Variants in ING5 observed in about 807,000 individuals in gnomAD.
The protein encoded by ING5 is inhibitor of growth family member 5.
Under a neutral mutation model 37.4 loss-of-function variants are expected in ING5, and 17 were observed. The ratio of observed to expected loss-of-function variants is 0.45; its 90% CI spans 0.31 to 0.68. The LOEUF (loss-of-function observed/expected upper bound fraction) is 0.68, where lower values mean the gene tolerates loss of function less well. ING5 is among the 30% of genes least tolerant of loss of function. The pLI, the probability that ING5 is intolerant of heterozygous loss-of-function variation, is 0.05. For synonymous variants in ING5, 123 were observed against 116.6 expected (o/e 1.06, Z -0.36); for missense variants, 233 against 311.9 (o/e 0.75, Z 1.91).
intron 5 of ING5, among the ~76,000 whole-genome samples, chr2:241,714,478 T>C (rs1466186652): frequency 6.6e-6 from 1 of 152,166 alleles, no homozygotes; most frequent in Non-Finnish European, 1.5e-5. Flanking sequence ...AGTTGTCAGA[T>C]TTTTTTGACA....
At chr2:241,689,422 C>A (rs1287474136) in intron 1 of ING5, among the ~76,000 whole-genome samples, 5 of 152,174 alleles carry the variant, frequency 3.3e-5, no homozygotes, top group African/African-American at 1.2e-4. Context: ...CCCTTTCTTC[C>A]TTTACGTCAA....
At chr2:241,701,777 G>A (rs1559298311), upstream of ING5, among the ~76,000 whole-genome samples, 1 of 152,128 alleles carries the variant, frequency 6.6e-6, no homozygotes, top group Non-Finnish European at 1.5e-5. Context: ...CCACCTGGGT[G>A]CCCTGGGCCG....
At position 241,722,974 on chromosome 2, in the gene ING5, C is replaced by T; in HGVS notation, c.518C>T (p.Pro173Leu). Reference protein sequence around the residue: ...EFTDTILSVHPSDVLDMPVDP... With the variant: ...EFTDTILSVHLSDVLDMPVDP... ...ACTGACACCATCCTGTCCGTGCACC[C>T]CTCTGATGTGCTGGACATGCCCGTG... Residue 173 changes from proline to leucine, a missense_variant, in exon 6 of 8, where the codon CCC becomes CTC. Transcript: ENST00000313552. 1 of 1,614,182 alleles carries T rather than the reference C, an allele frequency of 6.2e-7. No homozygotes were observed. The highest frequency in any genetic ancestry group is 8.5e-7 in the Non-Finnish European group (1 of 1,180,036).
At position 241,713,367 on chromosome 2, in the gene ING5, G is replaced by GTTTTTT. The variant is rs1166786436; in HGVS notation, c.482+1312_482+1317dup. Reference sequence around the variant, plus strand: ...GCCATCACACCCGACCCAATTTTCAGTTTTTTTTTTTTTTTTTTTTTGAGA... The same window carrying GTTTTTT: ...GCCATCACACCCGACCCAATTTTCAGTTTTTTTTTTTTTTTTTTTTTTTTTTTGAGA... On this transcript the variant is annotated intron_variant, in intron 5 of 7. Coordinates refer to ENST00000313552, the MANE Select transcript of ING5 (RefSeq NM_032329.6). Among the ~76,000 whole-genome samples, 8 of 102,318 alleles carry GTTTTTT rather than the reference G, an allele frequency of 7.8e-5. 1 individual carries two copies. Among genetic ancestry groups the GTTTTTT allele is most frequent in the African/African-American group, 2.8e-4 (7 of 25,136 alleles). The allele number at this position is 102,318 out of a possible 152,430, so 67.1% of individuals were successfully genotyped here.
At position 241,711,975 on chromosome 2, in the gene ING5, C is replaced by T; in HGVS notation, c.389-3C>T. 1 of 1,588,258 alleles carries T rather than the reference C, an allele frequency of 6.3e-7. No homozygotes were observed. Among genetic ancestry groups the T allele is most frequent in the Non-Finnish European group, 8.5e-7 (1 of 1,170,566 alleles). On this transcript the variant is annotated splice_region_variant and splice_polypyrimidine_tract_variant and intron_variant, in intron 4 of 7. Transcript: ENST00000313552. The stretch of plus-strand genomic sequence containing the variant: ...AATAATTTGCATCTTGATTATTTTT[C>T]AGAAGGCCGGGGTCAGAAAGAAAAA...
intron 4 of ING5, chr2:241,711,737 C>CA: frequency 1.8e-6 from 1 of 569,056 alleles, no homozygotes; most frequent in Non-Finnish European, 3.1e-6. Flanking sequence ...CTCATCTCAA[C>CA]AAAAAATTTA....
upstream of ING5, among the ~76,000 whole-genome samples, chr2:241,699,236 G>C (rs2069678484): frequency 6.6e-6 from 1 of 151,182 alleles, no homozygotes; most frequent in African/African-American, 2.4e-5. Context: ...TGTTGGTCAG[G>C]CTGGTCTCAA....
rs994476700 is a variant in ING5 at position 241,725,088 on chromosome 2, G to T, written c.*57G>T. 3 of 1,562,050 alleles carry T rather than the reference G, an allele frequency of 1.9e-6. No individual in the cohort carries two copies. Among genetic ancestry groups the T allele is most frequent in the Admixed American group, 1.7e-5 (1 of 59,872 alleles). ...GTTAATCTGTCCCTTCATTCGTGTC[G>T]CAATATTTCCCTTCCTTTTAAAACT... On this transcript the variant is annotated 3_prime_UTR_variant, in exon 8 of 8. Coordinates refer to ENST00000313552, the MANE Select transcript of ING5 (RefSeq NM_032329.6).
At chr2:241,690,526 G>T in exon 2 of ING5, 1 of 397,992 alleles carries the variant, frequency 2.5e-6, no homozygotes, top group South Asian at 1.3e-4. Flanking sequence ...GGCATAGGAG[G>T]GTCTGCGTGG....
intron 5 of ING5, among the ~76,000 whole-genome samples, chr2:241,713,961 G>A (rs982274257): frequency 6.6e-6 from 1 of 150,660 alleles, no homozygotes; most frequent in African/African-American, 2.5e-5. Flanking sequence ...CTGCACCCCA[G>A]CCTGGGTGAC....
intron 4 of ING5, 22 bp downstream of exon 4, chr2:241,711,510 C>G: frequency 6.5e-7 from 1 of 1,530,802 alleles, no homozygotes; most frequent in Non-Finnish European, 8.9e-7. Context: ...AATTTTTTTT[C>G]TTTATTTTAT....
At chr2:241,710,287 A>G (rs1326013510) in intron 3 of ING5, among the ~76,000 whole-genome samples, 1 of 149,106 alleles carries the variant, frequency 6.7e-6, no homozygotes, top group African/African-American at 2.5e-5. Context: ...TTGTAGTTTT[A>G]TTTTTTTATT....
At chr2:241,687,708 T>C (rs2069464758) in exon 1 of ING5, 1 of 181,466 alleles carries the variant, frequency 5.5e-6, no homozygotes, top group Non-Finnish European at 1.1e-5. Context: ...TTTGTATTTT[T>C]AGTAGAGACG....
At chr2:241,703,252 G>A (rs910158006) in intron 1 of ING5, among the ~76,000 whole-genome samples, 3 of 152,210 alleles carry the variant, frequency 2.0e-5, no homozygotes, top group Admixed American at 1.3e-4. Flanking sequence ...TAGGGGAGCT[G>A]GGAAAACACT....
chr2:241,699,038 T>TTGGGGG (rs1553580196), upstream of ING5, among the ~76,000 whole-genome samples: 4 of 139,040 alleles, frequency 2.9e-5, no homozygotes, highest in African/African-American at 9.1e-5. Flanking sequence ...AATTTTTTTT[T>TTGGGGG]GGGGGGGGAG....
chr2:241,708,363 A>G lies in ING5; in HGVS notation c.110-853A>G, dbSNP rs1032838071. The stretch of plus-strand genomic sequence containing the variant: ...GCTGGGACTATAGGCACCCGCCACC[A>G]CGCCCGGCTAATTTTTTGTATTTTT... On this transcript the variant is annotated intron_variant, in intron 2 of 7. Transcript: ENST00000313552. 6.7e-5 allele frequency among the ~76,000 whole-genome samples: 10 copies of G among 150,214 alleles called. No individual in the cohort carries two copies. In the Admixed American group the frequency reaches 6.7e-4, roughly 10 times the overall value.
rs1208864180 is a variant in ING5, at chr2:241,702,089, G to A, written c.24G>A (p.Glu8=). Residue 8 remains glutamate (E), a synonymous_variant, in exon 1 of 8, where the codon GAG becomes GAA. Coordinates refer to ENST00000313552, the MANE Select transcript of ING5 (RefSeq NM_032329.6). ...AGATGGCGACCGCCATGTACTTGGA[G>A]CACTATCTGGACAGTAAGCGCGCCC... MATAMYL[E]HYLDSIENLP... The A allele has an allele frequency of 3.6e-6, 5 of 1,392,640 alleles. No individual in the cohort carries two copies. The highest frequency in any genetic ancestry group is 1.9e-4 in the Middle Eastern group (1 of 5,306). 86.3% of individuals were successfully genotyped at this position (1,392,640 alleles called of 1,614,324 possible). A position where few individuals can be genotyped will look rare whatever the true frequency, so the allele number is the denominator to read the frequency against.
Position 241,709,391 on chromosome 2 carries a change from G to T in ING5, c.276+9G>T. 6.2e-7 allele frequency: 1 copy of T among 1,607,138 alleles called. No individual in the cohort carries two copies. The highest frequency in any genetic ancestry group is 8.5e-7 in the Non-Finnish European group (1 of 1,176,536). On this transcript the variant is annotated intron_variant, in intron 3 of 7. Transcript: ENST00000313552. Reference sequence around the variant, plus strand: ...TGCAGACCTACGAGATGGTGAGGGCGGGGCGGGGGCCATGGCTCTTCCTCT... The same window carrying T: ...TGCAGACCTACGAGATGGTGAGGGCTGGGCGGGGGCCATGGCTCTTCCTCT...
chr2:241,718,970 G>A (rs966235111), intron 5 of ING5, among the ~76,000 whole-genome samples: 4 of 152,238 alleles, frequency 2.6e-5, no homozygotes, highest in Non-Finnish European at 4.4e-5. Flanking sequence ...TAAAGGAAGC[G>A]TGGAGAGGGA....
Sources: gnomAD v4.1 joint callset for allele counts (sites outside exome capture counted in the v4.1 genomes callset) on GRCh38, gnomAD v4.1.1 for gene constraint, MANE v1.5 for transcripts, NCBI Gene and HGNC (gene_info 2026-07-23, HGNC 2026-07-21) for gene names.